The following SAMD12 variants were observed in gnomAD, a reference collection of about 807,000 sequenced individuals.
SAMD12 encodes sterile alpha motif domain containing 12.
Under a neutral mutation model 15.0 loss-of-function variants are expected in SAMD12, and 9 were observed. The observed-to-expected ratio is 0.60, with a 90% CI of 0.36 to 1.05. The LOEUF is 1.05. Ranked by LOEUF, SAMD12 falls within the 50% of genes least tolerant of loss-of-function variation. The pLI, the probability that SAMD12 is intolerant of heterozygous loss-of-function variation, is 0.01. For synonymous variants in SAMD12, 86 were observed against 90.1 expected, an observed-to-expected ratio of 0.96 and a Z score of 0.25; for missense variants, 230 against 234.2, an observed-to-expected ratio of 0.98 and a Z score of 0.12.
chr8:118,168,000 A>C, the SAMD12 span, among the ~76,000 whole-genome samples: 1 of 152,170 alleles, frequency 6.6e-6, no homozygotes, highest in Non-Finnish European at 1.5e-5. Flanking sequence ...GGAAGTACCC[A>C]GTGGGAGGTA....
intron 4 of SAMD12, among the ~76,000 whole-genome samples, chr8:118,266,054 A>G (rs1042826808): frequency 1.3e-5 from 2 of 152,176 alleles, no homozygotes; most frequent in Non-Finnish European, 2.9e-5. Flanking sequence ...GGAACTTACA[A>G]TCATGGCAGA....
At chr8:118,397,979 G>T (rs1284911676) in intron 3 of SAMD12, among the ~76,000 whole-genome samples, 1 of 152,096 alleles carries the variant, frequency 6.6e-6, no homozygotes, top group African/African-American at 2.4e-5. Context: ...AGTAGAGACA[G>T]GGTTTCACCA....
At chr8:118,536,042 C>T (rs941286682) in intron 2 of SAMD12, among the ~76,000 whole-genome samples, 28 of 152,186 alleles carry the variant, frequency 1.8e-4, no homozygotes, top group Admixed American at 1.4e-3. Flanking sequence ...GCGTCGCTCA[C>T]GCTGGGAGCT....
rs1196067084 is a variant in SAMD12, at chr8:118,552,731, A to G, written c.192+27984T>C. On this transcript the variant is annotated intron_variant, in intron 2 of 3. Coordinates refer to ENST00000314727, the MANE Select transcript of SAMD12 (RefSeq NM_207506.3). ...AAGGGTATTCAATTAGGAAAAGAGG[A>G]AGTCAAATTGTCCCTGTTCACAGAT... Among the ~76,000 whole-genome samples, 4 of 152,310 alleles carry G rather than the reference A, an allele frequency of 2.6e-5. 1 individual carries two copies. Among genetic ancestry groups the G allele is most frequent in the Middle Eastern group, 6.8e-3 (2 of 294 alleles).
intron 3 of SAMD12, among the ~76,000 whole-genome samples, chr8:118,419,378 G>T (rs772803239): frequency 2.0e-5 from 3 of 152,218 alleles, no homozygotes; most frequent in Non-Finnish European, 4.4e-5. Context: ...GTTTGAAAAT[G>T]TGTGTGAAAT....
At chr8:118,504,935 G>A (rs1264281275) in intron 2 of SAMD12, among the ~76,000 whole-genome samples, 1 of 152,170 alleles carries the variant, frequency 6.6e-6, no homozygotes, top group African/African-American at 2.4e-5. Context: ...TACAGCTGGT[G>A]TGACTGGGGG....
Position 118,477,798 on chromosome 8 carries a change from G to A in SAMD12, c.193-37837C>T, listed in dbSNP as rs185166819. ...GGGAGCTGAGGTGGGCGGATCATGA[G>A]GTCAGGAGATCGAGACCATCCTGGC... On this transcript the variant is annotated intron_variant, in intron 2 of 3. Transcript: ENST00000314727. Among the ~76,000 whole-genome samples the A allele has an allele frequency of 2.7e-4, 41 of 152,102 alleles. No individual in the cohort carries two copies. The East Asian group carries it at 8.0e-3, about 30-fold the overall frequency.
intron 2 of SAMD12, among the ~76,000 whole-genome samples, chr8:118,535,889 C>T (rs1278944384): frequency 1.3e-5 from 2 of 152,228 alleles, no homozygotes; most frequent in African/African-American, 2.4e-5. Context: ...TGACCCCTTG[C>T]ACTTCCCGGG....
At chr8:118,190,966 T>C (rs1819352309) in exon 5 of SAMD12, 1 of 152,358 alleles carries the variant, frequency 6.6e-6, no homozygotes, top group Admixed American at 6.5e-5. Flanking sequence ...TTTTTACTGT[T>C]AATATTAAAT....
At chr8:118,291,499 A>C (rs1814361679) in intron 4 of SAMD12, among the ~76,000 whole-genome samples, 1 of 152,120 alleles carries the variant, frequency 6.6e-6, no homozygotes, top group Admixed American at 6.5e-5. Flanking sequence ...TGGAACACAG[A>C]ATTCCCCTTA....
chr8:118,231,257 TA>T (rs1812305026), intron 4 of SAMD12, among the ~76,000 whole-genome samples: 1 of 152,192 alleles, frequency 6.6e-6, no homozygotes, highest in African/African-American at 2.4e-5. Flanking sequence ...AGGAGTTTCC[TA>T]GAGTCAGGGC....
Position 118,505,565 on chromosome 8 carries a change from G to A in SAMD12, c.193-65604C>T, listed in dbSNP as rs759856325. Among the ~76,000 whole-genome samples the A allele has an allele frequency of 5.9e-5, 9 of 151,988 alleles. No individual in the cohort carries two copies. The East Asian group carries it at 7.7e-4, about 13-fold the overall frequency. ...ACTTGACATGCAAATATGATGAGTC[G>A]AACTGAAACCATGGGAATGTAAAAG... On this transcript the variant is annotated intron_variant, in intron 2 of 3. Coordinates refer to ENST00000314727, the MANE Select transcript of SAMD12 (RefSeq NM_207506.3).
chr8:118,438,970 T>C, intron 3 of SAMD12, among the ~76,000 whole-genome samples: 1 of 152,162 alleles, frequency 6.6e-6, no homozygotes, highest in South Asian at 2.1e-4. Flanking sequence ...AAAAGGGAAG[T>C]GTTGCCCACA....
intron 4 of SAMD12, among the ~76,000 whole-genome samples, chr8:118,223,778 G>A (rs540290074): frequency 6.6e-6 from 1 of 152,306 alleles, no homozygotes; most frequent in African/African-American, 2.4e-5. Context: ...CATAATAAAA[G>A]TAGGGCAAGA....
intron 4 of SAMD12, among the ~76,000 whole-genome samples, chr8:118,352,851 C>G (rs113178438): frequency 2.6e-5 from 4 of 152,180 alleles, no homozygotes; most frequent in Middle Eastern, 3.4e-3. Context: ...ACCGTAGAGC[C>G]AGCAAATGAC....
At chr8:118,185,726 T>C (rs1819232112), downstream of SAMD12, among the ~76,000 whole-genome samples, 2 of 152,346 alleles carry the variant, frequency 1.3e-5, no homozygotes, top group Admixed American at 6.5e-5. Context: ...TCCAAGGTTA[T>C]GCAACTGTTC....
chr8:118,270,266 T>C (rs1813322160), intron 4 of SAMD12, among the ~76,000 whole-genome samples: 1 of 152,184 alleles, frequency 6.6e-6, no homozygotes, highest in Non-Finnish European at 1.5e-5. Flanking sequence ...CCCCAGAATC[T>C]TGGGGGTGGA....
chr8:118,602,543 T>C (rs528922032), intron 1 of SAMD12, among the ~76,000 whole-genome samples: 23 of 152,320 alleles, frequency 1.5e-4, no homozygotes, highest in African/African-American at 5.5e-4. Flanking sequence ...TACATAGACA[T>C]TGAAACATAT....
chr8:118,431,165 T>A (rs921528283), intron 3 of SAMD12, among the ~76,000 whole-genome samples: 1 of 152,176 alleles, frequency 6.6e-6, no homozygotes, highest in Non-Finnish European at 1.5e-5. Context: ...AACAAAGCAT[T>A]CTATTCCTCC....
Sources: allele counts gnomAD v4.1 joint callset (sites outside exome capture counted in the v4.1 genomes callset), GRCh38; gene constraint gnomAD v4.1.1; transcripts MANE v1.5; gene names NCBI Gene and HGNC (gene_info 2026-07-23, HGNC 2026-07-21).